ZNF594: variants seen among roughly 807,000 people sequenced by gnomAD.
ZNF594 encodes the protein zinc finger protein 594.
For missense variants in ZNF594, 1,037 were observed against 964.6 expected, an observed-to-expected ratio of 1.08 and a Z score of -0.99; for synonymous variants, 336 against 309.4, an observed-to-expected ratio of 1.09 and a Z score of -0.90.
chr17:5,175,299 G>A (rs2309367), downstream of ZNF594, among the ~76,000 whole-genome samples: 73,720 of 151,976 alleles, frequency 0.49, 20,442 homozygotes, highest in Non-Finnish European at 0.64. Flanking sequence ...GATCAGCAGC[G>A]GCACGCCATT....
intron 1 of ZNF594, among the ~76,000 whole-genome samples, chr17:5,185,841 C>A (rs1264994289): frequency 6.6e-6 from 1 of 152,310 alleles, no homozygotes; most frequent in South Asian, 2.1e-4. Flanking sequence ...AAATTTTAAA[C>A]CTCCAAAATG....
chr17:5,182,908 T>C lies in ZNF594; in HGVS notation c.1349A>G (p.His450Arg), dbSNP rs574718094. 4,551 of 1,614,140 alleles carry C rather than the reference T, an allele frequency of 2.8e-3. 158 individuals are homozygous for C. The South Asian group carries it at 0.048, about 17-fold the overall frequency. ...TTTCTCTCCAGTATGAACACGATGG[T>C]GTCTAATAAGATCTGAGCTGCCCCT... ...SFRGSSDLIR[H>R]HRVHTGEKPY... Residue 450 changes from histidine (H) to arginine (R), a missense_variant, in exon 2 of 2, where the codon CAC becomes CGC. By Grantham distance (29) the His-to-Arg change is conservative (BLOSUM62 0). Transcript: ENST00000575779.
Position 5,183,519 on chromosome 17 carries a change from C to T in ZNF594, c.738G>A (p.Lys246=). 1 of 1,614,156 alleles carries T rather than the reference C, an allele frequency of 6.2e-7. No homozygotes were observed. Among genetic ancestry groups the T allele is most frequent in the South Asian group, 1.1e-5 (1 of 91,090 alleles). The change falls in exon 2 of 2, where the codon AAG becomes AAA. Residue 246 remains lysine (K), a synonymous_variant. Transcript: ENST00000575779. The part of the protein sequence containing the change: ...GKPYLCNKCG[K]AFSQSTDLII... Reference sequence around the variant, plus strand: ...TAAGATCTGTGCTTTGACTGAAAGCCTTCCCACATTTATTGCATAAATATG... The same window carrying T: ...TAAGATCTGTGCTTTGACTGAAAGCTTTCCCACATTTATTGCATAAATATG...
rs1274696095 is a variant in ZNF594, at chr17:5,183,112, C to T, written c.1145G>A (p.Gly382Asp). 6.2e-7 allele frequency: 1 copy of T among 1,614,158 alleles called. No individual in the cohort carries two copies. The highest frequency in any genetic ancestry group is 8.5e-7 in the Non-Finnish European group (1 of 1,180,030). Residue 382 changes from glycine (G) to aspartate (D), a missense_variant, in exon 2 of 2, where the codon GGT (glycine) becomes GAT (aspartate). Transcript: ENST00000575779. ...EEKAYWCNQC[G>D]RNFQGTSDLI... ...GTCTGAGGTGCCCTGGAAATTCCTA[C>T]CACACTGATTACACCAATAAGCTTT...
chr17:5,175,812 T>C (rs148708232), downstream of ZNF594, among the ~76,000 whole-genome samples: 32 of 151,434 alleles, frequency 2.1e-4, no homozygotes, highest in East Asian at 6.3e-3. Context: ...TCTGGCAGTG[T>C]TGAGAAGAGA....
rs371878051 is a variant in ZNF594, at chr17:5,191,778, C to CG, written c.-52dup. 30 of 152,238 alleles carry CG rather than the reference C, an allele frequency of 2.0e-4. No homozygotes were observed. Among genetic ancestry groups the CG allele is most frequent in the African/African-American group, 7.2e-4 (30 of 41,432 alleles). The allele number at this position is 152,238 out of a possible 1,614,324, so 9.4% of individuals were successfully genotyped here. On this transcript the variant is annotated 5_prime_UTR_variant, in exon 1 of 2. Transcript: ENST00000575779. ...GGCTACCCCCAACCTCCCGCTCGGTCGGGGGCCCCTCCACGGCCGCTATCA... is the reference window on the plus strand; with the variant it reads ...GGCTACCCCCAACCTCCCGCTCGGTCGGGGGGCCCCTCCACGGCCGCTATCA...
At chr17:5,175,342 G>A (rs557828067), downstream of ZNF594, among the ~76,000 whole-genome samples, 20 of 152,316 alleles carry the variant, frequency 1.3e-4, no homozygotes, top group East Asian at 7.7e-4. Context: ...TGTGAACTGC[G>A]CATGCTAGCA....
chr17:5,178,519 C>T (rs147083386), downstream of ZNF594, among the ~76,000 whole-genome samples: 72 of 152,032 alleles, frequency 4.7e-4, 1 homozygote, highest in South Asian at 6.0e-3. Flanking sequence ...CCAGACACAC[C>T]GTGTTCAGGA....
intron 1 of ZNF594, among the ~76,000 whole-genome samples, chr17:5,187,484 G>C (rs889632129): frequency 6.6e-6 from 1 of 152,172 alleles, no homozygotes; most frequent in African/African-American, 2.4e-5. Flanking sequence ...CTCCTTGGGA[G>C]AGTCATTTTA....
At position 5,181,471 on chromosome 17, in the gene ZNF594, C is replaced by A. The variant is rs1279362651; in HGVS notation, c.*362G>T. ...TCCTTGCTGAAGGTTTTCTCACGTTCTTCAAGTTTCTCTCCAGCATGCAGT... is the reference window on the plus strand; with the variant it reads ...TCCTTGCTGAAGGTTTTCTCACGTTATTCAAGTTTCTCTCCAGCATGCAGT... On this transcript the variant is annotated 3_prime_UTR_variant, in exon 2 of 2. Transcript: ENST00000575779. 81 of 1,613,868 alleles carry A rather than the reference C, an allele frequency of 5.0e-5. No individual in the cohort carries two copies. The East Asian group carries it at 1.8e-3, about 35-fold the overall frequency.
chr17:5,184,316 C>G, intron 1 of ZNF594, 40 bp from the exon 2 acceptor site: 2 of 1,532,416 alleles, frequency 1.3e-6, no homozygotes, highest in East Asian at 4.5e-5. Flanking sequence ...TCCTAAAATA[C>G]AAATATCATC....
chr17:5,184,347 C>G (rs1047424832), intron 1 of ZNF594, 71 bp from the exon 2 acceptor site: 18 of 1,422,652 alleles, frequency 1.3e-5, no homozygotes, highest in Middle Eastern at 2.4e-4. Flanking sequence ...ACTGGGCAGT[C>G]TAAGAGGGAG....
At chr17:5,176,922 G>A (rs1382932803), downstream of ZNF594, among the ~76,000 whole-genome samples, 3 of 152,038 alleles carry the variant, frequency 2.0e-5, no homozygotes, top group Non-Finnish European at 2.9e-5. Context: ...AGGGTTGGGC[G>A]CAGAGGCTCA....
chr17:5,190,925 C>A (rs563866238), intron 1 of ZNF594, among the ~76,000 whole-genome samples: 10 of 152,258 alleles, frequency 6.6e-5, no homozygotes, highest in African/African-American at 2.2e-4. Context: ...CAAGCAAAAC[C>A]CCTGCATTTA....
In ZNF594 at chr17:5,182,489, G is replaced by C. The variant is rs1200368973; in HGVS notation, c.1768C>G (p.His590Asp). The change falls in exon 2 of 2, where the codon CAT (histidine) becomes GAT (aspartate). Residue 590 changes from histidine to aspartate, a missense_variant. Coordinates refer to ENST00000575779, the MANE Select transcript of ZNF594 (RefSeq NM_032530.2). The part of the protein sequence containing the change: ...SSDLIRHQVT[H>D]TREKPYECKE... Reference sequence around the variant, plus strand: ...CATTCATATGGTTTCTCTCTTGTATGAGTTACCTGATGTCTGATGAGGTCT... The same window carrying C: ...CATTCATATGGTTTCTCTCTTGTATCAGTTACCTGATGTCTGATGAGGTCT... 1.2e-6 allele frequency: 2 copies of C among 1,613,854 alleles called. No individual in the cohort carries two copies. The highest frequency in any genetic ancestry group is 1.7e-5 in the Admixed American group (1 of 59,988).
rs151156746 is a variant in ZNF594, at chr17:5,180,543, G to C, written c.*1290C>G. 1.3e-5 allele frequency: 2 copies of C among 159,168 alleles called. No individual in the cohort carries two copies. The highest frequency in any genetic ancestry group is 2.8e-5 in the Non-Finnish European group (2 of 72,220). The allele number at this position is 159,168 out of a possible 1,614,324, so 9.9% of individuals were successfully genotyped here. A position where few individuals can be genotyped will look rare whatever the true frequency, so the allele number is the denominator to read the frequency against. ...CCCTTAAAACATTCTCAAGTAATTA[G>C]ACCCCTGGGGCTGGTGCAGTGGCTC... On this transcript the variant is annotated 3_prime_UTR_variant, in exon 2 of 2. Transcript: ENST00000575779.
At position 5,183,964 on chromosome 17, in the gene ZNF594, G is replaced by C. The variant is rs914727678; in HGVS notation, c.293C>G (p.Ser98Cys). The C allele has an allele frequency of 1.2e-6, 2 of 1,614,008 alleles. No individual in the cohort carries two copies. Among genetic ancestry groups the C allele is most frequent in the Middle Eastern group, 1.6e-4 (1 of 6,062 alleles). The change falls in exon 2 of 2, where the codon TCC (serine) becomes TGC (cysteine). Residue 98 changes from serine (S) to cysteine (C), a missense_variant. Physicochemically the swap from Ser to Cys is moderately radical, Grantham distance 112 (BLOSUM62 -1). Coordinates refer to ENST00000575779, the MANE Select transcript of ZNF594 (RefSeq NM_032530.2). ...TTGGCCACTAACCTCATATCTATGG[G>C]AGCTTTCTCCTGCAGAAAGTATTTT... is the stretch of plus-strand genomic sequence containing the variant. ...GEKILSAGES[S>C]HRYEVSGQNF...
At chr17:5,176,395 CAAAAAAAAA>C (rs34510280), downstream of ZNF594, among the ~76,000 whole-genome samples, 1 of 85,620 alleles carries the variant, frequency 1.2e-5, no homozygotes, top group East Asian at 3.3e-4. Flanking sequence ...AACTCTGTCT[CAAAAAAAAA>C]AAAAAAAAAA....
intron 1 of ZNF594, among the ~76,000 whole-genome samples, chr17:5,190,426 A>T (rs774154987): frequency 5.9e-5 from 9 of 152,218 alleles, no homozygotes; most frequent in Non-Finnish European, 8.8e-5. Flanking sequence ...GAGCCAAGAA[A>T]ATGTGTCTAC....
Sources: gnomAD v4.1 joint callset for allele counts (sites outside exome capture counted in the v4.1 genomes callset) on GRCh38, gnomAD v4.1.1 for gene constraint, MANE v1.5 for transcripts, NCBI Gene and HGNC (gene_info 2026-07-23, HGNC 2026-07-21) for gene names.